Variants in PPIP5K2 observed in about 807,000 individuals in gnomAD.
PPIP5K2 encodes diphosphoinositol pentakisphosphate kinase 2.
PPIP5K2 carries 105 observed loss-of-function variants against 154.6 expected under a neutral mutation model. The ratio of observed to expected loss-of-function variants is 0.68; its 90% CI spans 0.58 to 0.80. PPIP5K2 has a LOEUF of 0.80. Among genes scored for constraint, PPIP5K2 ranks in the 30% least tolerant of loss-of-function variants. The pLI is 0.00. For synonymous variants in PPIP5K2, 480 were observed against 490.3 expected (o/e 0.98, Z 0.28); for missense variants, 992 against 1,504.6 (o/e 0.66, Z 5.64).
At chr5:103,197,394 T>C (rs992172118) in intron 30 of PPIP5K2, among the ~76,000 whole-genome samples, 1 of 151,932 alleles carries the variant, frequency 6.6e-6, no homozygotes, top group African/African-American at 2.4e-5. Context: ...TGTTGCTCTT[T>C]TATTATCTTT....
intron 3 of PPIP5K2, among the ~76,000 whole-genome samples, chr5:103,135,292 A>G (rs556174756): frequency 3.3e-5 from 5 of 152,212 alleles, no homozygotes; most frequent in Non-Finnish European, 7.3e-5. Context: ...AGAGGCTTAG[A>G]GACGTTAAAT....
intron 5 of PPIP5K2, among the ~76,000 whole-genome samples, chr5:103,142,726 A>G (rs1361897821): frequency 6.6e-6 from 1 of 151,512 alleles, no homozygotes; most frequent in African/African-American, 2.4e-5. Flanking sequence ...CAGTGAGCCA[A>G]GATGGCGCCA....
chr5:103,191,018 G>T (rs1295983258), intron 29 of PPIP5K2, 36 bp downstream of exon 29: 1 of 1,587,706 alleles, frequency 6.3e-7, no homozygotes, highest in African/African-American at 1.4e-5. Context: ...TTATTTAGTT[G>T]CTGGGCAACT....
chr5:103,208,367 G>T lies in PPIP5K2; in HGVS notation c.*6733G>T, dbSNP rs1379434617. On this transcript the variant is annotated 3_prime_UTR_variant, in exon 31 of 31. Coordinates refer to ENST00000358359, the MANE Select transcript of PPIP5K2 (RefSeq NM_001276277.3). ...GCCTCCCAAAATGCTGGAATTACAG[G>T]CATGAGCCATCATGCCCGGCCGTAG... 6.6e-6 allele frequency: 1 copy of T among 152,286 alleles called. No homozygotes were observed. Among genetic ancestry groups the T allele is most frequent in the African/African-American group, 2.4e-5 (1 of 41,424 alleles). The allele number at this position is 152,286 out of a possible 1,614,324, so 9.4% of individuals were successfully genotyped here. A position where few individuals can be genotyped will look rare whatever the true frequency, so the allele number is the denominator to read the frequency against.
chr5:103,185,369 C>T (rs541149964), intron 26 of PPIP5K2, among the ~76,000 whole-genome samples: 2 of 152,054 alleles, frequency 1.3e-5, no homozygotes, highest in East Asian at 3.9e-4. Flanking sequence ...AATAGTTGTC[C>T]TAATAGGTTT....
intron 23 of PPIP5K2, among the ~76,000 whole-genome samples, chr5:103,178,291 T>C (rs782556318): frequency 6.6e-6 from 1 of 151,998 alleles, no homozygotes; most frequent in Non-Finnish European, 1.5e-5. Flanking sequence ...TCCAGTTTTG[T>C]TGTCTTCGCT....
At chr5:103,181,748 C>G (rs1339852225) in intron 24 of PPIP5K2, among the ~76,000 whole-genome samples, 1 of 151,902 alleles carries the variant, frequency 6.6e-6, no homozygotes, top group African/African-American at 2.4e-5. Context: ...AGAATAAAAA[C>G]AATGAAAAGA....
At chr5:103,168,939 A>G (rs1373530180) in intron 19 of PPIP5K2, among the ~76,000 whole-genome samples, 2 of 151,856 alleles carry the variant, frequency 1.3e-5, no homozygotes, top group African/African-American at 2.4e-5. Flanking sequence ...TGCCATCTCT[A>G]TATGGAAATA....
Position 103,149,381 on chromosome 5 carries a change from A to G in PPIP5K2, c.906+68A>G, listed in dbSNP as rs540521907. ...TCTAATTTTCTTTTTTGACTAAGACATTATTGGTGCTTATAATTGGAGAAG... is the reference window on the plus strand; with the variant it reads ...TCTAATTTTCTTTTTTGACTAAGACGTTATTGGTGCTTATAATTGGAGAAG... On this transcript the variant is annotated intron_variant, in intron 8 of 30. Coordinates refer to ENST00000358359, the MANE Select transcript of PPIP5K2 (RefSeq NM_001276277.3). The G allele has an allele frequency of 4.3e-6, 6 of 1,395,016 alleles. No homozygotes were observed. The South Asian group carries it at 6.0e-5, about 14-fold the overall frequency. 86.4% of individuals were successfully genotyped at this position (1,395,016 alleles called of 1,614,324 possible).
chr5:103,141,439 G>C (rs187218574), intron 5 of PPIP5K2, among the ~76,000 whole-genome samples: 1 of 152,242 alleles, frequency 6.6e-6, no homozygotes, highest in Non-Finnish European at 1.5e-5. Flanking sequence ...CTGGGCTCAG[G>C]TGTGAAGCTG....
At position 103,152,664 on chromosome 5, in the gene PPIP5K2, G is replaced by A; in HGVS notation, c.1045G>A (p.Glu349Lys). 6.3e-7 allele frequency: 1 copy of A among 1,591,270 alleles called. No homozygotes were observed. Among genetic ancestry groups the A allele is most frequent in the Non-Finnish European group, 8.6e-7 (1 of 1,160,426 alleles). ...AKILGNIVMRELAPQFHIPWS... is the reference protein window; with the variant it reads ...AKILGNIVMRKLAPQFHIPWS... ...GTCTTGAAGAAATATTGTAATGCGAGAACTTGCTCCACAATTTCATATTCC... is the reference window on the plus strand; with the variant it reads ...GTCTTGAAGAAATATTGTAATGCGAAAACTTGCTCCACAATTTCATATTCC... The change falls in exon 10 of 31, where the codon GAA becomes AAA. Residue 349 changes from glutamate (E) to lysine (K), a missense_variant. Glu to Lys is a moderately conservative substitution (Grantham distance 56, BLOSUM62 1). This residue lies in a region of PPIP5K2 where 163 missense variants were observed against 285.2 expected (regional missense o/e 0.57). Coordinates refer to ENST00000358359, the MANE Select transcript of PPIP5K2 (RefSeq NM_001276277.3).
chr5:103,173,030 G>C, intron 19 of PPIP5K2, 125 bp from the exon 20 acceptor site: 1 of 688,886 alleles, frequency 1.5e-6, no homozygotes, highest in East Asian at 3.2e-5. Flanking sequence ...CAAACTCGGA[G>C]TTATCCAACG....
chr5:103,212,429 C>G lies in PPIP5K2; in HGVS notation c.*10795C>G, dbSNP rs1461375589. On this transcript the variant is annotated 3_prime_UTR_variant, in exon 31 of 31. Coordinates refer to ENST00000358359, the MANE Select transcript of PPIP5K2 (RefSeq NM_001276277.3). The stretch of plus-strand genomic sequence containing the variant: ...ACTAGATGGTGGTATGTTATTCTGG[C>G]ATATAGGGAACAGAATAAGACATGA... The G allele has an allele frequency of 6.6e-6, 1 of 151,996 alleles. No homozygotes were observed. Among genetic ancestry groups the G allele is most frequent in the Non-Finnish European group, 1.5e-5 (1 of 67,974 alleles). The allele number at this position is 151,996 out of a possible 1,614,324, so 9.4% of individuals were successfully genotyped here. A position where few individuals can be genotyped will look rare whatever the true frequency, so the allele number is the denominator to read the frequency against.
chr5:103,144,057 C>G (rs782471692), intron 5 of PPIP5K2, among the ~76,000 whole-genome samples: 1 of 151,588 alleles, frequency 6.6e-6, no homozygotes, highest in Non-Finnish European at 1.5e-5. Context: ...TACCACAAAA[C>G]TATTAGAACA....
At chr5:103,154,486 T>TC in intron 11 of PPIP5K2, among the ~76,000 whole-genome samples, 184 bp from the exon 12 acceptor site, 1 of 152,144 alleles carries the variant, frequency 6.6e-6, no homozygotes, top group South Asian at 2.1e-4. Flanking sequence ...TTTAGGAAAG[T>TC]ACTAAGTTTT....
rs970269946 is a variant in PPIP5K2 at position 103,208,682 on chromosome 5, T to C, written c.*7048T>C. 2 of 152,216 alleles carry C rather than the reference T, an allele frequency of 1.3e-5. No individual in the cohort carries two copies. Among genetic ancestry groups the C allele is most frequent in the African/African-American group, 4.8e-5 (2 of 41,432 alleles). The allele number at this position is 152,216 out of a possible 1,614,324, so 9.4% of individuals were successfully genotyped here. A position where few individuals can be genotyped will look rare whatever the true frequency, so the allele number is the denominator to read the frequency against. ...CTACTGACACTCATCCCATTTCCAT[T>C]GTTTTAGAGAAGGAACTAGTTGTTG... is the stretch of plus-strand genomic sequence containing the variant. On this transcript the variant is annotated 3_prime_UTR_variant, in exon 31 of 31. Transcript: ENST00000358359.
Position 103,158,460 on chromosome 5 carries a change from G to T in PPIP5K2, c.1624G>T (p.Ala542Ser). 1 of 1,604,626 alleles carries T rather than the reference G, an allele frequency of 6.2e-7. No homozygotes were observed. Among genetic ancestry groups the T allele is most frequent in the Admixed American group, 1.7e-5 (1 of 57,422 alleles). ...CMYPGGQGDY[A>S]GFPGCGLLRL... ...TGAGGATTTATTTTCAGGAGATTAT[G>T]CAGGATTTCCTGGTTGTGGTTTACT... The change falls in exon 16 of 31, where the codon GCA becomes TCA. Residue 542 changes from alanine (A) to serine (S), a missense_variant. Ala to Ser is a moderately conservative substitution (Grantham distance 99). Coordinates refer to ENST00000358359, the MANE Select transcript of PPIP5K2 (RefSeq NM_001276277.3).
intron 10 of PPIP5K2, 139 bp downstream of exon 10, chr5:103,152,888 T>C (rs909708229): frequency 1.8e-6 from 1 of 557,786 alleles, no homozygotes; most frequent in Non-Finnish European, 3.2e-6. Context: ...GATAGAGGAG[T>C]AGATTATACG....
intron 30 of PPIP5K2, among the ~76,000 whole-genome samples, chr5:103,200,613 A>G (rs1197357745): frequency 6.9e-6 from 1 of 144,510 alleles, no homozygotes; most frequent in Non-Finnish European, 1.5e-5. Flanking sequence ...ATGGTTTTTT[A>G]TTTTATTTAT....
Sources: gnomAD v4.1 joint callset for allele counts (sites outside exome capture counted in the v4.1 genomes callset) on GRCh38, gnomAD v4.1.1 for gene constraint, gnomAD v4.1.1 regional missense constraint, MANE v1.5 for transcripts, NCBI Gene and HGNC (gene_info 2026-07-23, HGNC 2026-07-21) for gene names.